The following CYRIB variants were observed in gnomAD, a reference collection of about 807,000 sequenced individuals.
CYRIB encodes the protein CYFIP related Rac1 interactor B.
A neutral mutation model predicts 44.2 loss-of-function variants in CYRIB; 8 were observed. The ratio of observed to expected loss-of-function variants is 0.18; its 90% confidence interval spans 0.11 to 0.33. The LOEUF (loss-of-function observed/expected upper bound fraction) is 0.33, where lower values mean the gene tolerates loss of function less well. Among genes scored for constraint, CYRIB ranks in the 10% least tolerant of loss-of-function variants. The pLI is 1.00. For missense variants in CYRIB, 185 were observed against 382.8 expected (o/e 0.48, Z 4.31); for synonymous variants, 131 against 127.2 (o/e 1.03, Z -0.20).
intron 1 of CYRIB, among the ~76,000 whole-genome samples, chr8:129,905,426 C>G (rs1473404661): frequency 3.9e-5 from 6 of 152,164 alleles, no homozygotes; most frequent in Non-Finnish European, 7.3e-5. Context: ...ACCATGTTAG[C>G]CAGGATGGTC....
chr8:129,852,450 A>T (rs2043819333), intron 7 of CYRIB, among the ~76,000 whole-genome samples, 172 bp from the exon 10 acceptor site: 1 of 152,214 alleles, frequency 6.6e-6, no homozygotes, highest in Admixed American at 6.5e-5. Flanking sequence ...AAAAAGATTA[A>T]CCTCTTCAAA....
intron 1 of CYRIB, among the ~76,000 whole-genome samples, chr8:129,907,928 G>C (rs928316762): frequency 6.6e-6 from 1 of 152,136 alleles, no homozygotes. Flanking sequence ...CCTGAACCTG[G>C]GAGGCAGAGA....
chr8:129,901,587 T>A (rs2072016084), intron 2 of CYRIB: 1 of 152,220 alleles, frequency 6.6e-6, no homozygotes, highest in South Asian at 2.1e-4. Flanking sequence ...AAGGTCTAGC[T>A]GAATTTTCAC....
intron 2 of CYRIB, chr8:129,947,745 A>G (rs1285705164): frequency 6.6e-6 from 1 of 152,226 alleles, no homozygotes; most frequent in Non-Finnish European, 1.5e-5. Flanking sequence ...TCCTGTCTAT[A>G]TCTATATAAA....
chr8:129,995,006 A>G (rs1295824435), intron 1 of CYRIB, among the ~76,000 whole-genome samples: 2 of 152,238 alleles, frequency 1.3e-5, no homozygotes, highest in African/African-American at 2.4e-5. Context: ...TGCGAGAAAG[A>G]ATGTGTGGTC....
chr8:129,853,089 G>A (rs549393501), intron 7 of CYRIB, among the ~76,000 whole-genome samples: 27 of 152,260 alleles, frequency 1.8e-4, no homozygotes, highest in African/African-American at 6.5e-4. Context: ...GTGGGAGGAG[G>A]AGATGGAAAG....
At chr8:130,000,883 A>T (rs1318847375) in intron 1 of CYRIB, among the ~76,000 whole-genome samples, 1 of 151,722 alleles carries the variant, frequency 6.6e-6, no homozygotes, top group Non-Finnish European at 1.5e-5. Context: ...GAAAAAAAAA[A>T]TCTAATAATA....
intron 4 of CYRIB, among the ~76,000 whole-genome samples, chr8:129,862,620 G>A (rs1057090589): frequency 6.6e-6 from 1 of 152,072 alleles, no homozygotes; most frequent in African/African-American, 2.4e-5. Flanking sequence ...ACAGGCACGC[G>A]CCACCACACC....
Position 130,006,666 on chromosome 8 carries a change from A to ATATATACATATATATATGTGTG in CYRIB, c.-296+9703_-296+9704insCACACATATATATATGTATATA, listed in dbSNP as rs1564801704. ...TATATATATACATATATATATGTAT[A>ATATATACATATATATATGTGTG]TATATATGTATATATATACACACAT... On this transcript the variant is annotated intron_variant, in intron 1 of 14. Coordinates refer to the CYRIB transcript ENST00000401979. Among the ~76,000 whole-genome samples the ATATATACATATATATATGTGTG allele has an allele frequency of 5.6e-4, 52 of 92,726 alleles. 4 individuals are homozygous for ATATATACATATATATATGTGTG. Among genetic ancestry groups the ATATATACATATATATATGTGTG allele is most frequent in the Middle Eastern group, 6.8e-3 (1 of 146 alleles). 60.8% of individuals were successfully genotyped at this position (92,726 alleles called of 152,430 possible).
intron 2 of CYRIB, among the ~76,000 whole-genome samples, chr8:129,949,633 C>G (rs187004292): frequency 6.6e-6 from 1 of 151,806 alleles, no homozygotes. Context: ...TTTGGGAGGC[C>G]GAGGTGGGCA....
intron 11 of CYRIB, 35 bp downstream of exon 13, chr8:129,846,769 T>C (rs2040267362): frequency 1.4e-6 from 2 of 1,452,622 alleles, no homozygotes; most frequent in African/African-American, 2.9e-5. Flanking sequence ...CCTTACAGAT[T>C]TTTTCTGTAC....
intron 1 of CYRIB, among the ~76,000 whole-genome samples, chr8:129,975,340 T>C (rs906346343): frequency 1.3e-5 from 2 of 152,176 alleles, no homozygotes; most frequent in Non-Finnish European, 2.9e-5. Context: ...GGAAGACATT[T>C]CTACCCATAA....
At chr8:129,978,329 T>C (rs2096054286) in intron 1 of CYRIB, among the ~76,000 whole-genome samples, 1 of 152,242 alleles carries the variant, frequency 6.6e-6, no homozygotes, top group South Asian at 2.1e-4. Context: ...AGCCAAGCAC[T>C]AAATGACTAT....
chr8:129,862,997 C>T (rs923612533), intron 4 of CYRIB, among the ~76,000 whole-genome samples: 2 of 151,892 alleles, frequency 1.3e-5, no homozygotes, highest in African/African-American at 4.8e-5. Flanking sequence ...GCCTTGGTGC[C>T]CAGCAGATCC....
At chr8:129,922,957 C>T (rs1359941122) in intron 1 of CYRIB, among the ~76,000 whole-genome samples, 3 of 151,236 alleles carry the variant, frequency 2.0e-5, no homozygotes, top group Non-Finnish European at 4.4e-5. Flanking sequence ...CGGCCGGGCG[C>T]GGTGGCTCAC....
At chr8:129,871,654 T>C (rs1234056683) in intron 3 of CYRIB, among the ~76,000 whole-genome samples, 158 bp from the exon 6 acceptor site, 1 of 152,208 alleles carries the variant, frequency 6.6e-6, no homozygotes, top group South Asian at 2.1e-4. Flanking sequence ...ACTTTTTCCA[T>C]AGTCCTACAT....
At chr8:129,997,066 G>A (rs1307924097) in intron 1 of CYRIB, among the ~76,000 whole-genome samples, 2 of 140,664 alleles carry the variant, frequency 1.4e-5, no homozygotes, top group Non-Finnish European at 3.1e-5. Context: ...GGGAGGGAGG[G>A]AGGGAGGGAG....
At chr8:130,015,793 A>G (rs1335221188) in intron 1 of CYRIB, among the ~76,000 whole-genome samples, 1 of 152,250 alleles carries the variant, frequency 6.6e-6, no homozygotes, top group African/African-American at 2.4e-5. Flanking sequence ...ATGAAAAGAT[A>G]AAAGGCGAAG....
intron 1 of CYRIB, among the ~76,000 whole-genome samples, chr8:129,975,117 A>G (rs117258299): frequency 0.056 from 8,532 of 151,960 alleles, 230 homozygotes; most frequent in Middle Eastern, 0.075. Context: ...CTGACCTCAG[A>G]ATCCGCCCAC....
Sources: gnomAD v4.1 joint callset for allele counts (sites outside exome capture counted in the v4.1 genomes callset) on GRCh38, gnomAD v4.1.1 for gene constraint, MANE v1.5 for transcripts, NCBI Gene and HGNC (gene_info 2026-07-23, HGNC 2026-07-21) for gene names.